CSMD1: variants seen among roughly 807,000 people sequenced by gnomAD.
The protein encoded by CSMD1 is CUB and Sushi multiple domains 1, also known as CUB and sushi domain-containing protein 1.
A neutral mutation model predicts 417.5 loss-of-function variants in CSMD1; 213 were observed. The observed-to-expected ratio is 0.51, with a 90% CI of 0.46 to 0.57. The LOEUF (loss-of-function observed/expected upper bound fraction) is 0.57. CSMD1 is among the 20% of genes least tolerant of loss of function. CSMD1 has a pLI of 0.00. For missense variants in CSMD1, 6,923 were observed against 4,529.7 expected (o/e 1.53, Z -15.17); for synonymous variants, 2,862 against 1,736.8 (o/e 1.65, Z -16.11).
chr8:2,972,458 G>A lies in CSMD1; in HGVS notation c.8923+659C>T, dbSNP rs182755424. Among the ~76,000 whole-genome samples, 244 of 152,096 alleles carry A rather than the reference G, an allele frequency of 1.6e-3. 1 individual carries two copies. The highest frequency in any genetic ancestry group is 6.0e-3 in the South Asian group (29 of 4,814). On this transcript the variant is annotated intron_variant, in intron 57 of 69. Coordinates refer to ENST00000635120, the MANE Select transcript of CSMD1 (RefSeq NM_033225.6). Reference sequence around the variant, plus strand: ...TTCCTATCTGTCTGAATTCTAAATCGGGTTTTGAACTCCGAATACATGGTT... The same window carrying A: ...TTCCTATCTGTCTGAATTCTAAATCAGGTTTTGAACTCCGAATACATGGTT...
intron 10 of CSMD1, among the ~76,000 whole-genome samples, chr8:3,550,068 T>A (rs562686043): frequency 6.6e-6 from 1 of 152,156 alleles, no homozygotes; most frequent in Admixed American, 6.5e-5. Context: ...TCATTCTAAG[T>A]AAAAGGCAAG....
chr8:4,864,041 C>A (rs990849204), intron 1 of CSMD1, among the ~76,000 whole-genome samples: 1 of 151,932 alleles, frequency 6.6e-6, no homozygotes, highest in Non-Finnish European at 1.5e-5. Flanking sequence ...ATGTTTATTT[C>A]ATGGACCACT....
rs560691850 is a variant in CSMD1, at chr8:3,974,370, C to G, written c.818+23533G>C. 2.0e-4 allele frequency among the ~76,000 whole-genome samples: 30 copies of G among 151,812 alleles called. 1 individual carries two copies. The highest frequency in any genetic ancestry group is 6.2e-4 in the South Asian group (3 of 4,812). ...GAAAGAAATGGAATCAAATATACAGCTTTTAAAAGAAGGAGGAAATTAAAC... is the reference window on the plus strand; with the variant it reads ...GAAAGAAATGGAATCAAATATACAGGTTTTAAAAGAAGGAGGAAATTAAAC... On this transcript the variant is annotated intron_variant, in intron 5 of 69. Coordinates refer to ENST00000635120, the MANE Select transcript of CSMD1 (RefSeq NM_033225.6).
intron 8 of CSMD1, among the ~76,000 whole-genome samples, chr8:3,607,181 C>T (rs139028087): frequency 2.4e-4 from 37 of 152,188 alleles, no homozygotes; most frequent in African/African-American, 8.9e-4. Context: ...AAAACATGAA[C>T]AAGCGCACTA....
At chr8:3,884,102 G>A (rs1445931394) in intron 5 of CSMD1, among the ~76,000 whole-genome samples, 1 of 152,150 alleles carries the variant, frequency 6.6e-6, no homozygotes, top group African/African-American at 2.4e-5. Context: ...ACAGCGAATT[G>A]AAAAGTAATT....
intron 6 of CSMD1, among the ~76,000 whole-genome samples, chr8:3,719,737 T>C (rs1266849047): frequency 6.6e-6 from 1 of 152,154 alleles, no homozygotes; most frequent in Admixed American, 6.5e-5. Flanking sequence ...TGTACAAATA[T>C]ATACTGGCTG....
At chr8:3,828,964 C>G (rs78462575) in intron 5 of CSMD1, among the ~76,000 whole-genome samples, 3 of 152,294 alleles carry the variant, frequency 2.0e-5, no homozygotes, top group Admixed American at 2.0e-4. Context: ...CATATGGCAA[C>G]ACAGTTCCTT....
chr8:3,214,779 G>C, intron 29 of CSMD1, 88 bp from the exon 30 acceptor site: 1 of 977,054 alleles, frequency 1.0e-6, no homozygotes, highest in Middle Eastern at 2.3e-4. Flanking sequence ...CTTTAATTGT[G>C]TTATTTAGGG....
chr8:3,853,145 G>C (rs1019992201), intron 5 of CSMD1, among the ~76,000 whole-genome samples: 7 of 152,054 alleles, frequency 4.6e-5, no homozygotes, highest in Non-Finnish European at 8.8e-5. Context: ...CTGAGCCCGC[G>C]TCCCTTGGCT....
chr8:4,794,472 G>C (rs570485155), intron 1 of CSMD1, among the ~76,000 whole-genome samples: 2 of 152,214 alleles, frequency 1.3e-5, no homozygotes, highest in East Asian at 3.9e-4. Flanking sequence ...TTAAAATCCA[G>C]TACAAAATGG....
chr8:4,019,562 G>A (rs191225814), intron 4 of CSMD1, among the ~76,000 whole-genome samples: 11 of 152,252 alleles, frequency 7.2e-5, no homozygotes, highest in East Asian at 1.9e-4. Context: ...CTGAGCTGTC[G>A]TATCTGTGTT....
At chr8:3,440,019 G>C (rs80242542) in intron 12 of CSMD1, among the ~76,000 whole-genome samples, 4,370 of 152,174 alleles carry the variant, frequency 0.029, 81 homozygotes, top group Non-Finnish European at 0.043. Flanking sequence ...CTCTGTGTCT[G>C]CCCTTCCACC....
chr8:4,747,743 G>A (rs947340138), intron 1 of CSMD1, among the ~76,000 whole-genome samples: 2 of 152,096 alleles, frequency 1.3e-5, no homozygotes, highest in African/African-American at 4.8e-5. Context: ...ATGTCCTGTG[G>A]CCCAAGCACA....
At chr8:3,710,607 C>T (rs897110662) in intron 6 of CSMD1, among the ~76,000 whole-genome samples, 1 of 152,114 alleles carries the variant, frequency 6.6e-6, no homozygotes, top group East Asian at 1.9e-4. Context: ...CTGTGCTTGG[C>T]CCCTGTGTAT....
chr8:4,898,626 AT>A (rs550721920), intron 1 of CSMD1, among the ~76,000 whole-genome samples: 28 of 152,194 alleles, frequency 1.8e-4, no homozygotes, highest in African/African-American at 4.3e-4. Flanking sequence ...CTGGAATGAA[AT>A]TTTTTTTATG....
chr8:3,912,234 G>A (rs924418312), intron 5 of CSMD1, among the ~76,000 whole-genome samples: 1 of 152,106 alleles, frequency 6.6e-6, no homozygotes, highest in African/African-American at 2.4e-5. Context: ...TTCTATAGGG[G>A]CATGAACTTA....
At chr8:3,374,582 C>G (rs1336992991) in intron 18 of CSMD1, among the ~76,000 whole-genome samples, 2 of 152,146 alleles carry the variant, frequency 1.3e-5, no homozygotes, top group African/African-American at 4.8e-5. Context: ...GGTGAATCAA[C>G]AAAGTGATGA....
At chr8:4,096,924 G>C (rs758367726) in intron 3 of CSMD1, among the ~76,000 whole-genome samples, 2 of 152,156 alleles carry the variant, frequency 1.3e-5, no homozygotes. Context: ...TAATTGCAGA[G>C]CAAACACCCC....
At chr8:3,725,491 G>A (rs1167905075) in intron 6 of CSMD1, among the ~76,000 whole-genome samples, 1 of 152,170 alleles carries the variant, frequency 6.6e-6, no homozygotes, top group Non-Finnish European at 1.5e-5. Context: ...GATTTTGTGG[G>A]TGATATGAAT....
Sources: gnomAD v4.1 joint callset for allele counts (sites outside exome capture counted in the v4.1 genomes callset) on GRCh38, gnomAD v4.1.1 for gene constraint, MANE v1.5 for transcripts, NCBI Gene and HGNC (gene_info 2026-07-23, HGNC 2026-07-21) for gene names.